The following ESPNL variants were observed in gnomAD, a reference collection of about 807,000 sequenced individuals.
The protein encoded by ESPNL is espin-like protein.
ESPNL carries 49 observed loss-of-function variants against 46.8 expected under a neutral mutation model. The observed-to-expected ratio is 1.05, with a 90% confidence interval of 0.83 to 1.33. The LOEUF is 1.33. Among genes scored for constraint, ESPNL ranks in the 40% most tolerant of loss-of-function variants. The pLI, the probability that ESPNL is intolerant of heterozygous loss-of-function variation, is 0.00. For missense variants in ESPNL, 1,540 were observed against 1,436.6 expected (o/e 1.07, Z -1.16); for synonymous variants, 664 against 662.1 (o/e 1.00, Z -0.04).
intron 7 of ESPNL, among the ~76,000 whole-genome samples, chr2:238,128,498 GC>G (rs1379662055): frequency 3.3e-5 from 5 of 151,948 alleles, no homozygotes; most frequent in African/African-American, 1.2e-4. Flanking sequence ...ATCTTACCCC[GC>G]CCCCTCCAGT....
At chr2:238,118,741 TTGCAGGAGGATGGATGGAGGAGGGTGGA>T (rs1691892029) in intron 5 of ESPNL, among the ~76,000 whole-genome samples, 1 of 54,296 alleles carries the variant, frequency 1.8e-5, no homozygotes, top group Non-Finnish European at 3.5e-5. Context: ...AGGAGGGTGG[TTGCAGGAGGATGGATGGAGGAGGGTGGA>T]TGGAGGAGGG....
intron 6 of ESPNL, among the ~76,000 whole-genome samples, chr2:238,126,306 GTATC>G (rs1368637354): frequency 2.0e-5 from 3 of 151,212 alleles, no homozygotes; most frequent in African/African-American, 7.3e-5. Flanking sequence ...GCATGATTGT[GTATC>G]TGTGTGTGAT....
Position 238,132,972 on chromosome 2 carries a change from C to T in ESPNL, c.*1240C>T, listed in dbSNP as rs1365056007. ...GCTTATCAGGACTCCCTGCCTCAATCCCTGGGGATTGTCCAGGCAAAACCT... is the reference window on the plus strand; with the variant it reads ...GCTTATCAGGACTCCCTGCCTCAATTCCTGGGGATTGTCCAGGCAAAACCT... On this transcript the variant is annotated 3_prime_UTR_variant, in exon 9 of 9. Transcript: ENST00000343063. 2.6e-5 allele frequency: 4 copies of T among 152,276 alleles called. No individual in the cohort carries two copies. The highest frequency in any genetic ancestry group is 5.9e-5 in the Non-Finnish European group (4 of 68,074). 9.4% of individuals were successfully genotyped at this position (152,276 alleles called of 1,614,324 possible). A position where few individuals can be genotyped will look rare whatever the true frequency, so the allele number is the denominator to read the frequency against.
intron 6 of ESPNL, among the ~76,000 whole-genome samples, chr2:238,126,147 T>C (rs942739587): frequency 5.9e-5 from 9 of 152,090 alleles, no homozygotes; most frequent in Admixed American, 3.9e-4. Flanking sequence ...TGTGTGATTG[T>C]GTCTGTGTGC....
chr2:238,116,010 CA>C (rs958982316), intron 4 of ESPNL, among the ~76,000 whole-genome samples: 4 of 152,242 alleles, frequency 2.6e-5, no homozygotes, highest in African/African-American at 9.6e-5. Flanking sequence ...AATTCAGTGT[CA>C]CCCAAAGATG....
chr2:238,125,138 CCTT>C (rs1692075221), intron 5 of ESPNL, 129 bp from the exon 6 acceptor site: 1 of 502,548 alleles, frequency 2.0e-6, no homozygotes, highest in Admixed American at 4.0e-5. Context: ...CCTGCCACCT[CCTT>C]ACCTGTCCCA....
intron 7 of ESPNL, 82 bp from the exon 8 acceptor site, chr2:238,128,604 GCGTGCCCTGGGCGGAGCCAAC>G: frequency 8.9e-7 from 1 of 1,129,322 alleles, no homozygotes; most frequent in Admixed American, 2.3e-5. Flanking sequence ...CGCCCTGTTA[GCGTGCCCTGGGCGGAGCCAAC>G]CCCCCACGTC....
In ESPNL at chr2:238,125,467, C is replaced by T. The variant is rs977068666; in HGVS notation, c.1102+83C>T. The T allele has an allele frequency of 2.7e-5, 21 of 783,442 alleles. No homozygotes were observed. The African/African-American group carries it at 3.3e-4, about 12-fold the overall frequency. The allele number at this position is 783,442 out of a possible 1,614,324, so 48.5% of individuals were successfully genotyped here. ...TGGCCTCCCCTCCGAGGTCCTGGAC[C>T]GGTGGGCAAGTCTGCGGGCAGCCGG... is the stretch of plus-strand genomic sequence containing the variant. On this transcript the variant is annotated intron_variant, in intron 6 of 8. Transcript: ENST00000343063.
At chr2:238,109,756 T>C (rs1428262441) in intron 4 of ESPNL, among the ~76,000 whole-genome samples, 1 of 152,238 alleles carries the variant, frequency 6.6e-6, no homozygotes, top group East Asian at 1.9e-4. Flanking sequence ...CACACTTCAT[T>C]CAGATGCCCT....
chr2:238,128,799 G>A lies in ESPNL; in HGVS notation c.1308G>A (p.Val436=), dbSNP rs1266098358. The A allele has an allele frequency of 1.9e-6, 3 of 1,564,726 alleles. No homozygotes were observed. The highest frequency in any genetic ancestry group is 1.2e-5 in the South Asian group (1 of 84,918). ...GLPSGDIDGL[V]PTRDERGQPI... Reference sequence around the variant, plus strand: ...CCTCAGGCGACATCGACGGGCTGGTGCCCACGCGGGATGAGCGCGGCCAGC... The same window carrying A: ...CCTCAGGCGACATCGACGGGCTGGTACCCACGCGGGATGAGCGCGGCCAGC... Residue 436 remains valine, a synonymous_variant, in exon 8 of 9, where the codon GTG becomes GTA. Coordinates refer to ENST00000343063, the MANE Select transcript of ESPNL (RefSeq NM_194312.4).
Position 238,131,575 on chromosome 2 carries a change from C to T in ESPNL, c.2861C>T (p.Ala954Val). ...GLTLLGPLPH[A>V]AVPCSGPEPT... Reference sequence around the variant, plus strand: ...ACCCTGCTCGGGCCCCTGCCTCACGCCGCCGTCCCCTGCAGCGGCCCTGAG... The same window carrying T: ...ACCCTGCTCGGGCCCCTGCCTCACGTCGCCGTCCCCTGCAGCGGCCCTGAG... The change falls in exon 9 of 9, where the codon GCC becomes GTC. Residue 954 changes from alanine (A) to valine (V), a missense_variant. Transcript: ENST00000343063. The T allele has an allele frequency of 6.2e-7, 1 of 1,611,280 alleles. No homozygotes were observed. The highest frequency in any genetic ancestry group is 8.5e-7 in the Non-Finnish European group (1 of 1,179,076).
rs555479803 is a variant in ESPNL, at chr2:238,113,962, C to A, written c.856-2941C>A. Among the ~76,000 whole-genome samples, 4 of 152,290 alleles carry A rather than the reference C, an allele frequency of 2.6e-5. No homozygotes were observed. In the South Asian group the frequency reaches 8.3e-4, roughly 32 times the overall value. On this transcript the variant is annotated intron_variant, in intron 4 of 8. Transcript: ENST00000343063. ...GGCTTTCCTTTTCTCCTGAGTGTGG[C>A]CGTGTCACTCCTGACTTCTGCGTTA...
intron 5 of ESPNL, among the ~76,000 whole-genome samples, chr2:238,124,009 A>G (rs876570): frequency 0.17 from 26,251 of 152,138 alleles, 2,372 homozygotes; most frequent in East Asian, 0.24. Context: ...GGCAGGGCCA[A>G]CTTCACTGCA....
At position 238,131,547 on chromosome 2, in the gene ESPNL, C is replaced by A. The variant is rs1692338820; in HGVS notation, c.2833C>A (p.Leu945Met). ...WDTEPGRKSG[L>M]TLLGPLPHAA... ...TACGGAGCCTGGCCGCAAGTCAGGT[C>A]TGACCCTGCTCGGGCCCCTGCCTCA... The change falls in exon 9 of 9, where the codon CTG (leucine) becomes ATG (methionine). Residue 945 changes from leucine to methionine, a missense_variant. By Grantham distance (15) the Leu-to-Met change is conservative. Coordinates refer to ENST00000343063, the MANE Select transcript of ESPNL (RefSeq NM_194312.4). 6.2e-7 allele frequency: 1 copy of A among 1,611,190 alleles called. No homozygotes were observed. Among genetic ancestry groups the A allele is most frequent in the South Asian group, 1.1e-5 (1 of 90,966 alleles).
chr2:238,102,064 C>T lies in ESPNL; in HGVS notation c.418C>T (p.Pro140Ser). The T allele has an allele frequency of 6.3e-7, 1 of 1,594,046 alleles. No individual in the cohort carries two copies. Among genetic ancestry groups the T allele is most frequent in the Non-Finnish European group, 8.5e-7 (1 of 1,172,652 alleles). The change falls in exon 2 of 9, where the codon CCG becomes TCG. Residue 140 changes from proline (P) to serine (S), a missense_variant. Physicochemically the swap from Pro to Ser is moderately conservative, Grantham distance 74. Coordinates refer to ENST00000343063, the MANE Select transcript of ESPNL (RefSeq NM_194312.4). The part of the protein sequence containing the change: ...ATLETREGAR[P>S]LHHAAVSGDL... ...GCTAGAGACCCGGGAGGGAGCCCGG[C>T]CGCTGCACCACGCTGCCGTCAGTGG...
At chr2:238,120,168 G>A (rs973137934) in intron 5 of ESPNL, among the ~76,000 whole-genome samples, 3 of 152,166 alleles carry the variant, frequency 2.0e-5, no homozygotes, top group South Asian at 2.1e-4. Flanking sequence ...AGGTGGTGGC[G>A]CTCTGCTGGC....
chr2:238,118,960 AG>A (rs1161031840), intron 5 of ESPNL, among the ~76,000 whole-genome samples: 19 of 118,302 alleles, frequency 1.6e-4, no homozygotes, highest in African/African-American at 5.2e-4. Flanking sequence ...TTGATGGAGG[AG>A]GGTGGATGGA....
chr2:238,131,796 T>C lies in ESPNL; in HGVS notation c.*64T>C. On this transcript the variant is annotated 3_prime_UTR_variant, in exon 9 of 9. Transcript: ENST00000343063. ...GTGACTTGGAGTTTCTCTTTTCTTT[T>C]CCTTGCTCACACCCTTGGTGTTCAG... 1 of 1,513,612 alleles carries C rather than the reference T, an allele frequency of 6.6e-7. No homozygotes were observed. Among genetic ancestry groups the C allele is most frequent in the Non-Finnish European group, 8.9e-7 (1 of 1,123,700 alleles). 93.8% of individuals were successfully genotyped at this position (1,513,612 alleles called of 1,614,324 possible). A position where few individuals can be genotyped will look rare whatever the true frequency, so the allele number is the denominator to read the frequency against.
chr2:238,129,637 T>C (rs1692236123), intron 8 of ESPNL, among the ~76,000 whole-genome samples: 1 of 152,262 alleles, frequency 6.6e-6, no homozygotes, highest in Non-Finnish European at 1.5e-5. Flanking sequence ...TCAGGAATTA[T>C]GTCCTCAGAG....
Sources: gnomAD v4.1 joint callset for allele counts (sites outside exome capture counted in the v4.1 genomes callset) on GRCh38, gnomAD v4.1.1 for gene constraint, MANE v1.5 for transcripts, NCBI Gene and HGNC (gene_info 2026-07-23, HGNC 2026-07-21) for gene names.